The following KANK4 variants were observed in gnomAD, a reference collection of about 807,000 sequenced individuals.
KANK4 encodes KN motif and ankyrin repeat domains 4, also known as KN motif and ankyrin repeat domain-containing protein 4.
KANK4 carries 50 observed loss-of-function variants against 80.8 expected under a neutral mutation model. The observed-to-expected ratio is 0.62, with a 90% CI of 0.49 to 0.78. The LOEUF (loss-of-function observed/expected upper bound fraction) is 0.78, where lower values mean the gene tolerates loss of function less well. Ranked by LOEUF, KANK4 falls within the 30% of genes least tolerant of loss-of-function variation. The pLI is 0.00. For missense variants in KANK4, 1,196 were observed against 1,240.1 expected (o/e 0.96, Z 0.53); for synonymous variants, 465 against 506.9 (o/e 0.92, Z 1.11).
At chr1:62,249,745 G>A (rs1671567311) in intron 8 of KANK4, among the ~76,000 whole-genome samples, 1 of 152,010 alleles carries the variant, frequency 6.6e-6, no homozygotes, top group South Asian at 2.1e-4. Context: ...GTTTCACCAT[G>A]TTGGTCAGGC....
chr1:62,279,054 A>T (rs1672387933), intron 2 of KANK4, among the ~76,000 whole-genome samples: 1 of 152,238 alleles, frequency 6.6e-6, no homozygotes, highest in South Asian at 2.1e-4. Flanking sequence ...CAGAGCACAA[A>T]TACAATCATA....
In KANK4 at chr1:62,263,242, C is replaced by T. The variant is rs769918885; in HGVS notation, c.2389G>A (p.Val797Met). 1.8e-5 allele frequency: 29 copies of T among 1,613,680 alleles called. No individual in the cohort carries two copies. The highest frequency in any genetic ancestry group is 9.3e-5 in the African/African-American group (7 of 74,880). Reference protein sequence around the residue: ...VSSRKSSSPAVVASYLHEVQP... With the variant: ...VSSRKSSSPAMVASYLHEVQP... ...ACCTCGTGGAGGTAGGAGGCCACCA[C>T]GGCGGGGCTAGACGACTTCCGGCTG... is the stretch of plus-strand genomic sequence containing the variant. Residue 797 changes from valine (V) to methionine (M), a missense_variant, in exon 7 of 10, where the codon GTG becomes ATG. Val to Met is a conservative substitution (Grantham distance 21). Coordinates refer to ENST00000371153, the MANE Select transcript of KANK4 (RefSeq NM_181712.5).
chr1:62,274,587 T>C lies in KANK4; in HGVS notation c.517A>G (p.Arg173Gly), dbSNP rs771883628. 2 of 1,614,088 alleles carry C rather than the reference T, an allele frequency of 1.2e-6. No homozygotes were observed. Among genetic ancestry groups the C allele is most frequent in the Non-Finnish European group, 8.5e-7 (1 of 1,179,986 alleles). The change falls in exon 3 of 10, where the codon AGG (arginine) becomes GGG (glycine). Residue 173 changes from arginine to glycine, a missense_variant. By Grantham distance (125) the Arg-to-Gly change is moderately radical. Around this residue, in one of 3 missense-constraint regions of KANK4, gnomAD observed 1,154 missense variants for 1,179.6 expected, o/e 0.98. Coordinates refer to ENST00000371153, the MANE Select transcript of KANK4 (RefSeq NM_181712.5). The stretch of plus-strand genomic sequence containing the variant: ...CTCAGGCCTGGCTCCTCAGAAGCCC[T>C]GCTGTGCAGCAGCGTGGCAGGCATG... ...SSMPATLLHS[R>G]ASEEPGLSLG...
chr1:62,316,790 T>G (rs1325814442), intron 1 of KANK4, among the ~76,000 whole-genome samples: 1 of 152,210 alleles, frequency 6.6e-6, no homozygotes, highest in Non-Finnish European at 1.5e-5. Context: ...TTTGAACACC[T>G]TCTATGTGCC....
Position 62,238,241 on chromosome 1 carries a change from G to A in KANK4, c.*36C>T. On this transcript the variant is annotated 3_prime_UTR_variant, in exon 10 of 10. Transcript: ENST00000371153. ...GGCGAGGGAGGAGTCCAGAGAAGAA[G>A]GCTTTTGTTCCCCACGGCCAGTTCT... is the stretch of plus-strand genomic sequence containing the variant. The A allele has an allele frequency of 6.7e-7, 1 of 1,497,036 alleles. No homozygotes were observed. The highest frequency in any genetic ancestry group is 9.3e-7 in the Non-Finnish European group (1 of 1,075,116). The allele number at this position is 1,497,036 out of a possible 1,614,324, so 92.7% of individuals were successfully genotyped here.
Position 62,273,337 on chromosome 1 carries a change from G to A in KANK4, c.1767C>T (p.Ile589=), listed in dbSNP as rs1672213012. ...EHGYPELASA[I]KQPASKLSSI... Reference sequence around the variant, plus strand: ...TGCTGAGCTTGGAGGCTGGCTGCTTGATGGCGCTGGCCAGCTCCGGGTACC... The same window carrying A: ...TGCTGAGCTTGGAGGCTGGCTGCTTAATGGCGCTGGCCAGCTCCGGGTACC... The change falls in exon 3 of 10, where the codon ATC becomes ATT. Residue 589 remains isoleucine (I), a synonymous_variant. Coordinates refer to ENST00000371153, the MANE Select transcript of KANK4 (RefSeq NM_181712.5). 1 of 1,608,860 alleles carries A rather than the reference G, an allele frequency of 6.2e-7. No homozygotes were observed. The highest frequency in any genetic ancestry group is 8.5e-7 in the Non-Finnish European group (1 of 1,176,134).
At chr1:62,243,341 A>ATT (rs112696391) in intron 9 of KANK4, among the ~76,000 whole-genome samples, 31 of 146,812 alleles carry the variant, frequency 2.1e-4, no homozygotes, top group African/African-American at 3.0e-4. Flanking sequence ...GGACCAGATA[A>ATT]TTTTTTTTTT....
intron 7 of KANK4, among the ~76,000 whole-genome samples, chr1:62,262,381 C>G (rs1671906863): frequency 6.6e-6 from 1 of 152,162 alleles, no homozygotes; most frequent in Admixed American, 6.5e-5. Flanking sequence ...GTTCCTGGAA[C>G]ACAGAGGGAA....
intron 1 of KANK4, among the ~76,000 whole-genome samples, chr1:62,304,773 T>C (rs1049930942): frequency 6.6e-6 from 1 of 151,900 alleles, no homozygotes; most frequent in Admixed American, 6.5e-5. Flanking sequence ...GGAGGCAATA[T>C]GATACAGCGC....
At chr1:62,258,222 ACAGTGTATATGTATATCACACTAAGCC>A (rs1220756161) in intron 7 of KANK4, among the ~76,000 whole-genome samples, 30 of 152,364 alleles carry the variant, frequency 2.0e-4, no homozygotes, top group African/African-American at 7.0e-4. Context: ...ATTGTACATG[ACAGTGTATATGTATATCACACTAAGCC>A]CAGTGTCTGG....
chr1:62,250,421 A>T (rs1365792620), intron 8 of KANK4, among the ~76,000 whole-genome samples: 2 of 152,240 alleles, frequency 1.3e-5, no homozygotes, highest in African/African-American at 4.8e-5. Context: ...GAGCATTTAT[A>T]GAGAGCTACT....
chr1:62,318,755 A>G (rs945109845), intron 1 of KANK4, among the ~76,000 whole-genome samples: 3 of 152,168 alleles, frequency 2.0e-5, no homozygotes, highest in Admixed American at 6.5e-5. Flanking sequence ...AGTCGCAAGG[A>G]CAGCACGGCC....
chr1:62,238,776 C>T (rs1671270884), intron 9 of KANK4, among the ~76,000 whole-genome samples: 1 of 151,892 alleles, frequency 6.6e-6, no homozygotes, highest in Admixed American at 6.6e-5. Flanking sequence ...ATTACAGGTA[C>T]ACACCATCAT....
chr1:62,253,372 A>C (rs1671670243), intron 7 of KANK4, among the ~76,000 whole-genome samples, 163 bp from the exon 8 acceptor site: 1 of 151,714 alleles, frequency 6.6e-6, no homozygotes, highest in African/African-American at 2.4e-5. Context: ...GCAGCCTTTA[A>C]AGATGGTTTC....
At chr1:62,283,124 C>T (rs1404386738) in intron 1 of KANK4, among the ~76,000 whole-genome samples, 3 of 152,256 alleles carry the variant, frequency 2.0e-5, no homozygotes, top group Non-Finnish European at 4.4e-5. Context: ...CTGCAGCAGG[C>T]GATGCTGGCA....
At chr1:62,295,880 G>T (rs1274997148) in intron 1 of KANK4, among the ~76,000 whole-genome samples, 1 of 152,194 alleles carries the variant, frequency 6.6e-6, no homozygotes, top group African/African-American at 2.4e-5. Flanking sequence ...ATCTTTGCTT[G>T]CAGCCTCTGG....
At chr1:62,253,412 T>TC (rs1456730899) in intron 7 of KANK4, among the ~76,000 whole-genome samples, 12 of 140,272 alleles carry the variant, frequency 8.6e-5, no homozygotes, top group Admixed American at 1.4e-4. Context: ...TTTCTTTCTT[T>TC]TTTTTTTTTT....
Position 62,256,424 on chromosome 1 carries a change from T to C in KANK4, c.2540-3215A>G, listed in dbSNP as rs370659042. 9.9e-5 allele frequency among the ~76,000 whole-genome samples: 15 copies of C among 152,198 alleles called. No individual in the cohort carries two copies. The East Asian group carries it at 2.9e-3, about 29-fold the overall frequency. ...TTTCTAGATGGAGTTTCACTCTTGTTGCCCAGGCTGGAGTGCAATGCTGCT... is the reference window on the plus strand; with the variant it reads ...TTTCTAGATGGAGTTTCACTCTTGTCGCCCAGGCTGGAGTGCAATGCTGCT... On this transcript the variant is annotated intron_variant, in intron 7 of 9. Transcript: ENST00000371153.
At chr1:62,312,070 T>C (rs567450871) in intron 1 of KANK4, among the ~76,000 whole-genome samples, 5 of 151,972 alleles carry the variant, frequency 3.3e-5, no homozygotes, top group African/African-American at 9.7e-5. Context: ...CATTTAAAAA[T>C]GCATAAAATA....
Sources: gnomAD v4.1 joint callset for allele counts (sites outside exome capture counted in the v4.1 genomes callset) on GRCh38, gnomAD v4.1.1 for gene constraint, gnomAD v4.1.1 regional missense constraint, MANE v1.5 for transcripts, NCBI Gene and HGNC (gene_info 2026-07-23, HGNC 2026-07-21) for gene names.